Variants in TTLL11 observed in about 807,000 individuals in gnomAD.
TTLL11 encodes the protein tubulin polyglutamylase TTLL11.
A neutral mutation model predicts 51.7 loss-of-function variants in TTLL11; 42 were observed. The ratio of observed to expected loss-of-function variants is 0.81; its 90% CI spans 0.64 to 1.05. The LOEUF is 1.05. TTLL11 is among the 50% of genes least tolerant of loss of function. TTLL11 has a pLI of 0.00. For synonymous variants in TTLL11, 381 were observed against 383.5 expected (o/e 0.99, Z 0.08); for missense variants, 799 against 940.4 (o/e 0.85, Z 1.97).
rs757928129 is a variant in TTLL11, at chr9:121,989,277, G to A, written c.1187C>T (p.Thr396Met). The A allele has an allele frequency of 9.9e-6, 16 of 1,614,094 alleles. No individual in the cohort carries two copies. The highest frequency in any genetic ancestry group is 6.7e-5 in the African/African-American group (5 of 74,944). The part of the protein sequence containing the change: ...WSDIISVVIK[T>M]VIALTPELKV... ...GAGCTCTGGAGTCAGCGCGATGACC[G>A]TCTTAATCACCACGGAGATGATGTC... is the stretch of plus-strand genomic sequence containing the variant. The change falls in exon 4 of 9, where the codon ACG becomes ATG. Residue 396 changes from threonine to methionine, a missense_variant. Around this residue, in one of 3 missense-constraint regions of TTLL11, gnomAD observed 468 missense variants for 612.8 expected, o/e 0.76. Coordinates refer to ENST00000321582, the MANE Select transcript of TTLL11 (RefSeq NM_001139442.2). This position sits in a 1 kb window ranked among gnomAD's most constrained non-coding sequence, Gnocchi z 4.2.
intron 2 of TTLL11, among the ~76,000 whole-genome samples, chr9:122,037,617 G>A (rs1352234433): frequency 6.6e-6 from 1 of 152,190 alleles, no homozygotes; most frequent in African/African-American, 2.4e-5. Flanking sequence ...ATACTATGGA[G>A]CAGTTCTAAA....
chr9:121,920,308 A>C (rs553443437), intron 6 of TTLL11, among the ~76,000 whole-genome samples: 1 of 151,826 alleles, frequency 6.6e-6, no homozygotes, highest in Non-Finnish European at 1.5e-5. Flanking sequence ...TTTAAAAAAA[A>C]TTTTTTTTTA....
At chr9:121,938,267 G>C (rs7033478) in intron 6 of TTLL11, among the ~76,000 whole-genome samples, 40,862 of 145,766 alleles carry the variant, frequency 0.28, 6,110 homozygotes, top group African/African-American at 0.38. Context: ...CCAGCCTGGG[G>C]AACAGAGTGA....
In TTLL11 at chr9:121,980,972, T is replaced by C. The variant is rs371362757; in HGVS notation, c.1270-5993A>G. Among the ~76,000 whole-genome samples the C allele has an allele frequency of 1.0e-3, 154 of 152,314 alleles. 1 individual carries two copies. Among genetic ancestry groups the C allele is most frequent in the African/African-American group, 3.5e-3 (147 of 41,574 alleles). On this transcript the variant is annotated intron_variant, in intron 4 of 8. Transcript: ENST00000321582. ...TTTCTTTCTGACTGCTTTTAAGATT[T>C]TCTGATCATCACTGGTTTTCCAATA...
intron 6 of TTLL11, among the ~76,000 whole-genome samples, chr9:121,898,347 G>C (rs541603796): frequency 3.2e-4 from 49 of 152,376 alleles, no homozygotes; most frequent in African/African-American, 1.1e-3. Context: ...GAGGGGCCAG[G>C]AGGCACTGCT....
Position 121,851,332 on chromosome 9 carries a change from G to A in TTLL11, c.1840+9005C>T, listed in dbSNP as rs144055481. Among the ~76,000 whole-genome samples the A allele has an allele frequency of 1.2e-3, 189 of 152,210 alleles. 2 individuals are homozygous for A. Among genetic ancestry groups the A allele is most frequent in the African/African-American group, 4.2e-3 (174 of 41,512 alleles). On this transcript the variant is annotated intron_variant, in intron 8 of 8. Transcript: ENST00000321582. ...TTAATGCAAACTACAGACTTGAGTC[G>A]ATCATAATATACCAAGGTTTTTCCA...
chr9:121,883,082 G>A (rs1455384374), intron 6 of TTLL11, among the ~76,000 whole-genome samples: 1 of 152,146 alleles, frequency 6.6e-6, no homozygotes, highest in East Asian at 1.9e-4. Context: ...AAGAAAATGG[G>A]CAGGGTGACC....
intron 2 of TTLL11, among the ~76,000 whole-genome samples, chr9:122,032,444 G>A (rs1844581272): frequency 6.6e-6 from 1 of 152,152 alleles, no homozygotes; most frequent in African/African-American, 2.4e-5. Flanking sequence ...AGGGAAAAAT[G>A]CAATCTGTAG....
At chr9:121,946,636 T>C (rs1841680238) in intron 6 of TTLL11, among the ~76,000 whole-genome samples, 1 of 152,196 alleles carries the variant, frequency 6.6e-6, no homozygotes. Flanking sequence ...CTGACTTATT[T>C]TGGAGGTGAC....
chr9:122,088,784 T>C lies in TTLL11; in HGVS notation c.462+3903A>G, dbSNP rs187224778. On this transcript the variant is annotated intron_variant, in intron 1 of 8. Transcript: ENST00000321582. ...ATTTTGAGAGGCCGAGGCAGGCAGA[T>C]CACTTGAGGTCAGGAGTTCAAGACC... is the stretch of plus-strand genomic sequence containing the variant. 1.7e-3 allele frequency among the ~76,000 whole-genome samples: 258 copies of C among 152,148 alleles called. 1 individual carries two copies. The highest frequency in any genetic ancestry group is 5.8e-3 in the African/African-American group (241 of 41,498).
At chr9:121,958,621 A>G (rs1842102050) in intron 6 of TTLL11, among the ~76,000 whole-genome samples, 1 of 152,160 alleles carries the variant, frequency 6.6e-6, no homozygotes, top group Admixed American at 6.5e-5. Flanking sequence ...GGACACAGGT[A>G]ACCGTTTCCA....
At chr9:121,866,565 C>G (rs1487589398) in intron 7 of TTLL11, among the ~76,000 whole-genome samples, 1 of 147,720 alleles carries the variant, frequency 6.8e-6, no homozygotes, top group Non-Finnish European at 1.5e-5. Flanking sequence ...GAGGCTGAGA[C>G]AGGAGAATTA....
chr9:121,915,453 C>T (rs1434796045), intron 6 of TTLL11, among the ~76,000 whole-genome samples: 1 of 152,154 alleles, frequency 6.6e-6, no homozygotes, highest in African/African-American at 2.4e-5. Context: ...TTCTGACTTC[C>T]CGATACATCT....
Position 121,899,374 on chromosome 9 carries a change from TATAC to T in TTLL11, c.1482-28630_1482-28627del, listed in dbSNP as rs759002385. Among the ~76,000 whole-genome samples the T allele has an allele frequency of 9.3e-3, 872 of 94,178 alleles. 5 individuals are homozygous for T. Among genetic ancestry groups the T allele is most frequent in the African/African-American group, 0.017 (454 of 26,622 alleles). The allele number at this position is 94,178 out of a possible 152,430, so 61.8% of individuals were successfully genotyped here. On this transcript the variant is annotated intron_variant, in intron 6 of 8. Coordinates refer to ENST00000321582, the MANE Select transcript of TTLL11 (RefSeq NM_001139442.2). ...GTGTGTATGTGTGTGTGTATATATA[TATAC>T]ATATATATATATATATATATATATA...
At chr9:121,980,089 C>T (rs553750828) in intron 4 of TTLL11, among the ~76,000 whole-genome samples, 1 of 152,016 alleles carries the variant, frequency 6.6e-6, no homozygotes, top group Non-Finnish European at 1.5e-5. Context: ...ATACCACAAG[C>T]AAGTCAATAA....
chr9:121,837,978 C>T (rs895765858), intron 8 of TTLL11, among the ~76,000 whole-genome samples: 6 of 152,162 alleles, frequency 3.9e-5, no homozygotes, highest in African/African-American at 1.4e-4. Context: ...GTCTGCTTTT[C>T]CTTGCTGTGG....
intron 8 of TTLL11, among the ~76,000 whole-genome samples, chr9:121,851,357 A>G (rs554680629): frequency 6.6e-6 from 1 of 152,348 alleles, no homozygotes; most frequent in East Asian, 1.9e-4. Flanking sequence ...AGGTTTTTCC[A>G]TTAATTATAA....
intron 7 of TTLL11, among the ~76,000 whole-genome samples, chr9:121,866,734 T>G (rs1838189645): frequency 6.6e-6 from 1 of 151,962 alleles, no homozygotes; most frequent in Non-Finnish European, 1.5e-5. Flanking sequence ...TCTCCATTTC[T>G]CCCTGCATTC....
intron 6 of TTLL11, among the ~76,000 whole-genome samples, chr9:121,927,873 C>T (rs1378322286): frequency 6.6e-6 from 1 of 152,114 alleles, no homozygotes; most frequent in Non-Finnish European, 1.5e-5. Context: ...GTGGAAAAAC[C>T]TAGTCATGAA....
Sources: gnomAD v4.1 joint callset for allele counts (sites outside exome capture counted in the v4.1 genomes callset) on GRCh38, gnomAD v4.1.1 for gene constraint, gnomAD v4.1.1 regional missense constraint, Gnocchi (gnomAD v3.1) non-coding constraint, MANE v1.5 for transcripts, NCBI Gene and HGNC (gene_info 2026-07-23, HGNC 2026-07-21) for gene names.